Variants in RITA1 observed in about 807,000 individuals in gnomAD.
The protein encoded by RITA1 is RBPJ-interacting and tubulin-associated protein 1.
A neutral mutation model predicts 8.7 loss-of-function variants in RITA1; 15 were observed. That is an observed-to-expected ratio of 1.72 (90% CI 1.15 to 2.65). RITA1 has a LOEUF of 2.65. Among genes scored for constraint, RITA1 ranks in the 30% most tolerant of loss-of-function variants. The pLI, the probability that RITA1 is intolerant of heterozygous loss-of-function variation, is 0.00. For synonymous variants in RITA1, 145 were observed against 156.2 expected (o/e 0.93, Z 0.53); for missense variants, 330 against 363.8 (o/e 0.91, Z 0.76).
At position 113,186,802 on chromosome 12, in the gene RITA1, ACCG is replaced by A; in HGVS notation, c.58_60del (p.Arg20del). On this transcript the variant is annotated inframe_deletion, in exon 3 of 4. Transcript: ENST00000548278. ...GGGATGCAGACCCTCGGCCTTCAGC[ACCG>A]CTGCCGAGGTGGCTACCGGGTCAAG... 6.2e-7 allele frequency: 1 copy of A among 1,613,750 alleles called. No individual in the cohort carries two copies. The highest frequency in any genetic ancestry group is 1.7e-5 in the Admixed American group (1 of 60,016).
chr12:113,186,354 C>G, intron 2 of RITA1, 38 bp downstream of exon 2: 1 of 1,377,502 alleles, frequency 7.3e-7, no homozygotes, highest in Non-Finnish European at 9.4e-7. Context: ...ATTGCCCCCA[C>G]CCCCATCAGT....
In RITA1 at chr12:113,186,892, C is replaced by T; in HGVS notation, c.146C>T (p.Pro49Leu). 1 of 1,614,140 alleles carries T rather than the reference C, an allele frequency of 6.2e-7. No homozygotes were observed. ...FGSPAGTRPT[P>L]PDFDPPWVEK... ...AGCCCAGCAGGCACCCGGCCTACCCCACCGGACTTCGATCCGCCCTGGGTG... is the reference window on the plus strand; with the variant it reads ...AGCCCAGCAGGCACCCGGCCTACCCTACCGGACTTCGATCCGCCCTGGGTG... Residue 49 changes from proline (P) to leucine (L), a missense_variant, in exon 3 of 4, where the codon CCA (proline) becomes CTA (leucine). Pro to Leu is a moderately conservative substitution (Grantham distance 98). Coordinates refer to ENST00000548278, the MANE Select transcript of RITA1 (RefSeq NM_032848.3).
At position 113,191,189 on chromosome 12, in the gene RITA1, C is replaced by T; in HGVS notation, c.303-121C>T. 7.7e-7 allele frequency: 1 copy of T among 1,303,694 alleles called. No individual in the cohort carries two copies. The highest frequency in any genetic ancestry group is 1.0e-6 in the Non-Finnish European group (1 of 974,314). The allele number at this position is 1,303,694 out of a possible 1,614,324, so 80.8% of individuals were successfully genotyped here. ...TAGGTTTCAGACTGGGAGACAAGGACTCCTGGGATCTGCAGGCAACCCTCC... is the reference window on the plus strand; with the variant it reads ...TAGGTTTCAGACTGGGAGACAAGGATTCCTGGGATCTGCAGGCAACCCTCC... On this transcript the variant is annotated intron_variant, in intron 3 of 3. Coordinates refer to ENST00000548278, the MANE Select transcript of RITA1 (RefSeq NM_032848.3). The surrounding 1 kb of genome is among the most constrained non-coding windows in gnomAD (Gnocchi z 4.0).
At position 113,186,975 on chromosome 12, in the gene RITA1, A is replaced by G. The variant is rs2136333248; in HGVS notation, c.229A>G (p.Lys77Glu). 1.2e-6 allele frequency: 2 copies of G among 1,613,434 alleles called. No individual in the cohort carries two copies. Among genetic ancestry groups the G allele is most frequent in the Admixed American group, 1.7e-5 (1 of 59,896 alleles). The part of the protein sequence containing the change: ...GKEASKALGA[K>E]GSCETTPSRG... ...GGAGGCATCGAAGGCCTTGGGGGCAAAGGGGAGCTGTGAGACCACCCCCTC... is the reference window on the plus strand; with the variant it reads ...GGAGGCATCGAAGGCCTTGGGGGCAGAGGGGAGCTGTGAGACCACCCCCTC... Residue 77 changes from lysine (K) to glutamate (E), a missense_variant, in exon 3 of 4, where the codon AAG becomes GAG. Physicochemically the swap from Lys to Glu is moderately conservative, Grantham distance 56. Transcript: ENST00000548278.
At chr12:113,189,732 TAA>T (rs34117781) in intron 3 of RITA1, among the ~76,000 whole-genome samples, 44 of 76,898 alleles carry the variant, frequency 5.7e-4, no homozygotes, top group African/African-American at 1.5e-3. Flanking sequence ...ATCTGTTGAA[TAA>T]AAAAAAAAAA....
Position 113,192,080 on chromosome 12 carries a change from C to A in RITA1, c.*263C>A. 2.3e-6 allele frequency: 1 copy of A among 442,560 alleles called. No individual in the cohort carries two copies. The highest frequency in any genetic ancestry group is 2.0e-5 in the African/African-American group (1 of 50,460). 27.4% of individuals were successfully genotyped at this position (442,560 alleles called of 1,614,324 possible). A position where few individuals can be genotyped will look rare whatever the true frequency, so the allele number is the denominator to read the frequency against. On this transcript the variant is annotated 3_prime_UTR_variant, in exon 4 of 4. Transcript: ENST00000548278. The stretch of plus-strand genomic sequence containing the variant: ...GTCTCAACCATACTCCAAATTAGTG[C>A]CAACCCAGGGGCCTGGCACCTCCCA...
chr12:113,188,052 ATT>A (rs539937957), intron 3 of RITA1, among the ~76,000 whole-genome samples: 6 of 144,558 alleles, frequency 4.2e-5, no homozygotes, highest in African/African-American at 1.3e-4. Flanking sequence ...AAACAACACA[ATT>A]TTTTTTTTTT....
chr12:113,187,073 C>T (rs775226262), intron 3 of RITA1, 25 bp downstream of exon 3: 1 of 1,516,982 alleles, frequency 6.6e-7, no homozygotes, highest in Non-Finnish European at 8.9e-7. Flanking sequence ...AGATGCAAAT[C>T]CTGTACTCAG....
Position 113,191,265 on chromosome 12 carries a change from G to T in RITA1, c.303-45G>T. The T allele has an allele frequency of 6.7e-7, 1 of 1,490,316 alleles. No individual in the cohort carries two copies. The highest frequency in any genetic ancestry group is 8.9e-7 in the Non-Finnish European group (1 of 1,124,364). The allele number at this position is 1,490,316 out of a possible 1,614,324, so 92.3% of individuals were successfully genotyped here. ...TGGGAGAGCTGTTAAAGTTTTGAGGGGTTGTTCATCCCCCAGCTCATGGCG... is the reference window on the plus strand; with the variant it reads ...TGGGAGAGCTGTTAAAGTTTTGAGGTGTTGTTCATCCCCCAGCTCATGGCG... On this transcript the variant is annotated intron_variant, in intron 3 of 3. Coordinates refer to ENST00000548278, the MANE Select transcript of RITA1 (RefSeq NM_032848.3). This position sits in a 1 kb window ranked among gnomAD's most constrained non-coding sequence, Gnocchi z 4.0.
chr12:113,191,827 A>C lies in RITA1; in HGVS notation c.*10A>C. 1.3e-6 allele frequency: 2 copies of C among 1,587,458 alleles called. No individual in the cohort carries two copies. Among genetic ancestry groups the C allele is most frequent in the South Asian group, 2.3e-5 (2 of 87,772 alleles). On this transcript the variant is annotated 3_prime_UTR_variant, in exon 4 of 4. Coordinates refer to ENST00000548278, the MANE Select transcript of RITA1 (RefSeq NM_032848.3). This position sits in a 1 kb window ranked among gnomAD's most constrained non-coding sequence, Gnocchi z 4.0. ...GCCCCCTTGGAAATGATACTCTTTC[A>C]TCAGGGTTGCCTATGGGGCCACGGC...
chr12:113,188,238 A>G, intron 3 of RITA1, among the ~76,000 whole-genome samples: 1 of 128,964 alleles, frequency 7.8e-6, no homozygotes, highest in African/African-American at 3.0e-5. Flanking sequence ...TTTTTTTGAG[A>G]CGGAGTTTTG....
intron 3 of RITA1, among the ~76,000 whole-genome samples, chr12:113,187,757 CAAA>C (rs34828582): frequency 4.6e-5 from 5 of 108,462 alleles, no homozygotes; most frequent in Non-Finnish European, 7.0e-5. Flanking sequence ...ACCCTGTCTC[CAAA>C]AAAAAAAAAA....
chr12:113,187,044 T>C lies in RITA1; in HGVS notation c.298T>C (p.Tyr100His), dbSNP rs1214039815. ...PTLTPRKKNK[Y>H]RPISHTPSYC... ...CCTCACACCAAGGAAGAAGAACAAA[T>C]ACAGGTAATGGGGTAGGGAGATGCA... The change falls in exon 3 of 4, where the codon TAC (tyrosine) becomes CAC (histidine). Residue 100 changes from tyrosine (Y) to histidine (H), a missense_variant. Transcript: ENST00000548278. 2 of 1,580,488 alleles carry C rather than the reference T, an allele frequency of 1.3e-6. No individual in the cohort carries two copies. Among genetic ancestry groups the C allele is most frequent in the Non-Finnish European group, 1.7e-6 (2 of 1,162,408 alleles).
Position 113,186,977 on chromosome 12 carries a change from G to C in RITA1, c.231G>C (p.Lys77Asn). 6.2e-7 allele frequency: 1 copy of C among 1,613,220 alleles called. No homozygotes were observed. The highest frequency in any genetic ancestry group is 8.5e-7 in the Non-Finnish European group (1 of 1,179,646). Reference sequence around the variant, plus strand: ...AGGCATCGAAGGCCTTGGGGGCAAAGGGGAGCTGTGAGACCACCCCCTCAA... The same window carrying C: ...AGGCATCGAAGGCCTTGGGGGCAAACGGGAGCTGTGAGACCACCCCCTCAA... ...GKEASKALGA[K>N]GSCETTPSRG... The change falls in exon 3 of 4, where the codon AAG becomes AAC. Residue 77 changes from lysine to asparagine, a missense_variant. By Grantham distance (94) the Lys-to-Asn change is moderately conservative. Transcript: ENST00000548278.
At position 113,186,789 on chromosome 12, in the gene RITA1, C is replaced by A; in HGVS notation, c.43C>A (p.Leu15Ile). The A allele has an allele frequency of 6.2e-7, 1 of 1,613,698 alleles. No individual in the cohort carries two copies. Among genetic ancestry groups the A allele is most frequent in the Non-Finnish European group, 8.5e-7 (1 of 1,179,970 alleles). The part of the protein sequence containing the change: ...VELAVSGMQT[L>I]GLQHRCRGGY... Reference sequence around the variant, plus strand: ...GCTGGCCGTCAGTGGGATGCAGACCCTCGGCCTTCAGCACCGCTGCCGAGG... The same window carrying A: ...GCTGGCCGTCAGTGGGATGCAGACCATCGGCCTTCAGCACCGCTGCCGAGG... Residue 15 changes from leucine (L) to isoleucine (I), a missense_variant, in exon 3 of 4, where the codon CTC becomes ATC. Transcript: ENST00000548278.
At position 113,191,581 on chromosome 12, in the gene RITA1, C is replaced by T. The variant is rs117281669; in HGVS notation, c.574C>T (p.Arg192Cys). 2.8e-3 allele frequency: 4,439 copies of T among 1,614,122 alleles called. 11 individuals carry two copies. The highest frequency in any genetic ancestry group is 3.4e-3 in the Non-Finnish European group (3,972 of 1,180,010). ...ATCTATGGGTGGGTTACACTCTTCA[C>T]GCCCCCTGAAGCGGGGACTTTCCCA... ...KLSMGGLHSS[R>C]PLKRGLSHSL... Residue 192 changes from arginine to cysteine, a missense_variant, in exon 4 of 4, where the codon CGC (arginine) becomes TGC (cysteine). Physicochemically the swap from Arg to Cys is radical, Grantham distance 180. Coordinates refer to ENST00000548278, the MANE Select transcript of RITA1 (RefSeq NM_032848.3). This position sits in a 1 kb window ranked among gnomAD's most constrained non-coding sequence, Gnocchi z 4.0.
Position 113,186,742 on chromosome 12 carries a change from G to A in RITA1, c.-5G>A. ...CACCTGCTGTCACCAGGGACCACAGGCAGCATGAAGACCCCCGTGGAGCTG... is the reference window on the plus strand; with the variant it reads ...CACCTGCTGTCACCAGGGACCACAGACAGCATGAAGACCCCCGTGGAGCTG... On this transcript the variant is annotated 5_prime_UTR_variant, in exon 3 of 4. Coordinates refer to ENST00000548278, the MANE Select transcript of RITA1 (RefSeq NM_032848.3). The A allele has an allele frequency of 6.2e-7, 1 of 1,611,920 alleles. No individual in the cohort carries two copies. The highest frequency in any genetic ancestry group is 8.5e-7 in the Non-Finnish European group (1 of 1,178,772).
chr12:113,191,179 G>A lies in RITA1; in HGVS notation c.303-131G>A. 1.7e-6 allele frequency: 2 copies of A among 1,208,438 alleles called. No homozygotes were observed. The highest frequency in any genetic ancestry group is 2.2e-6 in the Non-Finnish European group (2 of 896,914). The allele number at this position is 1,208,438 out of a possible 1,614,324, so 74.9% of individuals were successfully genotyped here. ...GGCCTCGCTGTAGGTTTCAGACTGG[G>A]AGACAAGGACTCCTGGGATCTGCAG... is the stretch of plus-strand genomic sequence containing the variant. On this transcript the variant is annotated intron_variant, in intron 3 of 3. Coordinates refer to ENST00000548278, the MANE Select transcript of RITA1 (RefSeq NM_032848.3). The surrounding 1 kb of genome is among the most constrained non-coding windows in gnomAD (Gnocchi z 4.0).
chr12:113,187,757 CAAAA>C (rs34828582), intron 3 of RITA1, among the ~76,000 whole-genome samples: 1 of 108,466 alleles, frequency 9.2e-6, no homozygotes, highest in Non-Finnish European at 1.8e-5. Flanking sequence ...ACCCTGTCTC[CAAAA>C]AAAAAAAAAA....
Sources: gnomAD v4.1 joint callset for allele counts (sites outside exome capture counted in the v4.1 genomes callset) on GRCh38, gnomAD v4.1.1 for gene constraint, Gnocchi (gnomAD v3.1) non-coding constraint, MANE v1.5 for transcripts, NCBI Gene and HGNC (gene_info 2026-07-23, HGNC 2026-07-21) for gene names.